Variants in INPP5A observed in about 807,000 individuals in gnomAD.
The protein encoded by INPP5A is inositol polyphosphate-5-phosphatase A.
A neutral mutation model predicts 65.2 loss-of-function variants in INPP5A; 14 were observed. That is an observed-to-expected ratio of 0.21 (90% CI 0.14 to 0.34). The LOEUF (loss-of-function observed/expected upper bound fraction) is 0.34. Ranked by LOEUF, INPP5A falls within the 10% of genes least tolerant of loss-of-function variation. The pLI, the probability that INPP5A is intolerant of heterozygous loss-of-function variation, is 1.00. For missense variants in INPP5A, 431 were observed against 545.6 expected (o/e 0.79, Z 2.09); for synonymous variants, 207 against 208.3 (o/e 0.99, Z 0.05).
intron 4 of INPP5A, among the ~76,000 whole-genome samples, chr10:132,652,715 G>A (rs535696839): frequency 3.9e-5 from 6 of 152,318 alleles, no homozygotes; most frequent in African/African-American, 1.2e-4. Context: ...TTTTAAAAGT[G>A]AAGGGACGGA....
intron 12 of INPP5A, among the ~76,000 whole-genome samples, chr10:132,774,704 AAGCTGGGCCTTGTC>A (rs1423904217): frequency 1.3e-5 from 2 of 151,850 alleles, no homozygotes. Context: ...TCAGGTTCTA[AAGCTGGGCCTTGTC>A]AGCAGGGCCA....
rs553747440 is a variant in INPP5A, at chr10:132,556,444, C to T, written c.75+18273C>T. ...TGGTGGAAGCTGCTCTCCAGTGTGC[C>T]AAGTTTCTGTACACACATGCACATC... On this transcript the variant is annotated intron_variant, in intron 1 of 15. Transcript: ENST00000368594. Among the ~76,000 whole-genome samples the T allele has an allele frequency of 2.8e-4, 42 of 152,304 alleles. No homozygotes were observed. The South Asian group carries it at 8.3e-3, about 30-fold the overall frequency.
At position 132,675,874 on chromosome 10, in the gene INPP5A, T is replaced by TA. The variant is rs2072958003; in HGVS notation, c.307-14515dup. Among the ~76,000 whole-genome samples the TA allele has an allele frequency of 1.3e-5, 2 of 152,242 alleles. No individual in the cohort carries two copies. The highest frequency in any genetic ancestry group is 4.1e-4 in the South Asian group (2 of 4,834). ...CTTGTGTTCAGTGTTGGCCATCTCT[T>TA]AAAGTGCATTTTACTTTAATTATTC... On this transcript the variant is annotated intron_variant, in intron 4 of 15. Transcript: ENST00000368594. The surrounding 1 kb of genome is among the most constrained non-coding windows in gnomAD (Gnocchi z 4.2).
intron 2 of INPP5A, among the ~76,000 whole-genome samples, chr10:132,614,959 C>T (rs1304870031): frequency 1.3e-5 from 2 of 152,220 alleles, no homozygotes; most frequent in South Asian, 4.1e-4. Context: ...ACGTCTGTGG[C>T]GTAGGCCCCG....
At chr10:132,768,736 C>T (rs1221256877) in intron 12 of INPP5A, among the ~76,000 whole-genome samples, 1 of 152,268 alleles carries the variant, frequency 6.6e-6, no homozygotes, top group East Asian at 1.9e-4. Flanking sequence ...CCATCTGTAC[C>T]TGCTGGTCTG....
At chr10:132,540,840 C>T (rs887308789) in intron 1 of INPP5A, among the ~76,000 whole-genome samples, 3 of 152,220 alleles carry the variant, frequency 2.0e-5, no homozygotes, top group African/African-American at 4.8e-5. Context: ...GTGCTGGAGC[C>T]GGTCACAGTT....
At chr10:132,556,083 C>T (rs1478885265) in intron 1 of INPP5A, among the ~76,000 whole-genome samples, 1 of 152,130 alleles carries the variant, frequency 6.6e-6, no homozygotes, top group Non-Finnish European at 1.5e-5. Context: ...GCATCTGTCC[C>T]AGCCTGTGGG....
chr10:132,650,628 C>T lies in INPP5A; in HGVS notation c.306+123C>T. ...CCTGCCTGAAGCCTCACTCACGCTG[C>T]CCTGCCTGGCACTCCCGCAGCCTGC... is the stretch of plus-strand genomic sequence containing the variant. On this transcript the variant is annotated intron_variant, in intron 4 of 15. Transcript: ENST00000368594. This position sits in a 1 kb window ranked among gnomAD's most constrained non-coding sequence, Gnocchi z 5.5. 1 of 703,054 alleles carries T rather than the reference C, an allele frequency of 1.4e-6. No individual in the cohort carries two copies. Among genetic ancestry groups the T allele is most frequent in the South Asian group, 1.6e-5 (1 of 63,718 alleles). The allele number at this position is 703,054 out of a possible 1,614,324, so 43.6% of individuals were successfully genotyped here. A position where few individuals can be genotyped will look rare whatever the true frequency, so the allele number is the denominator to read the frequency against.
intron 9 of INPP5A, among the ~76,000 whole-genome samples, chr10:132,744,748 A>G (rs1846337991): frequency 6.6e-6 from 1 of 152,184 alleles, no homozygotes; most frequent in Non-Finnish European, 1.5e-5. Flanking sequence ...ACGGCTCTCA[A>G]GGAGAGGAAG....
At chr10:132,758,914 G>A (rs965345698) in intron 11 of INPP5A, among the ~76,000 whole-genome samples, 4 of 152,162 alleles carry the variant, frequency 2.6e-5, no homozygotes, top group African/African-American at 9.7e-5. Context: ...ATTCAGACCC[G>A]CGTTCCTCCT....
intron 4 of INPP5A, among the ~76,000 whole-genome samples, chr10:132,664,697 T>C (rs2072779776): frequency 6.6e-6 from 1 of 152,212 alleles, no homozygotes; most frequent in Admixed American, 6.5e-5. Flanking sequence ...AGCACAGAAG[T>C]GTGGGTGATT....
chr10:132,714,325 A>C (rs1411314668), intron 8 of INPP5A, among the ~76,000 whole-genome samples: 1 of 152,180 alleles, frequency 6.6e-6, no homozygotes, highest in African/African-American at 2.4e-5. Context: ...GGAGTCTGGA[A>C]CAATGGGTCG....
At chr10:132,709,924 A>C (rs1845605259) in intron 7 of INPP5A, among the ~76,000 whole-genome samples, 1 of 151,846 alleles carries the variant, frequency 6.6e-6, no homozygotes, top group South Asian at 2.1e-4. Flanking sequence ...GAAATGAAGC[A>C]CTCTTCTTGC....
intron 1 of INPP5A, among the ~76,000 whole-genome samples, chr10:132,542,593 G>C (rs2070920927): frequency 2.0e-5 from 3 of 152,172 alleles, no homozygotes. Flanking sequence ...GGGGTGGGGG[G>C]GTCTCCCCTC....
chr10:132,782,015 C>G lies in INPP5A; in HGVS notation c.*8-22C>G, dbSNP rs1456543703. 6.2e-7 allele frequency: 1 copy of G among 1,610,082 alleles called. No homozygotes were observed. The highest frequency in any genetic ancestry group is 1.3e-5 in the African/African-American group (1 of 74,992). ...TTTCCTGGTGCGTTTGTTCCTTTAACAAATTACGAATTCCGTGACAGGGAA... is the reference window on the plus strand; with the variant it reads ...TTTCCTGGTGCGTTTGTTCCTTTAAGAAATTACGAATTCCGTGACAGGGAA... On this transcript the variant is annotated intron_variant, in intron 15 of 15. Coordinates refer to ENST00000368594, the MANE Select transcript of INPP5A (RefSeq NM_005539.5). This position sits in a 1 kb window ranked among gnomAD's most constrained non-coding sequence, Gnocchi z 4.4.
chr10:132,614,189 G>A (rs144420670), intron 2 of INPP5A, among the ~76,000 whole-genome samples: 153 of 152,310 alleles, frequency 1.0e-3, no homozygotes, highest in Middle Eastern at 3.4e-3. Context: ...GAGCCTGGAC[G>A]GCACGATGGC....
intron 11 of INPP5A, among the ~76,000 whole-genome samples, chr10:132,759,278 G>C (rs1846687586): frequency 6.6e-6 from 1 of 152,190 alleles, no homozygotes. Flanking sequence ...GGGGTAGTGA[G>C]GGGTCCTCAG....
intron 2 of INPP5A, among the ~76,000 whole-genome samples, chr10:132,609,080 G>T (rs1451262602): frequency 2.6e-5 from 4 of 152,226 alleles, no homozygotes; most frequent in Non-Finnish European, 5.9e-5. Flanking sequence ...GTGTGTGCAC[G>T]TGTGTGCGCA....
chr10:132,748,677 CA>C (rs1846416033), intron 9 of INPP5A, among the ~76,000 whole-genome samples: 1 of 152,380 alleles, frequency 6.6e-6, no homozygotes, highest in East Asian at 1.9e-4. Flanking sequence ...GTCCGCCAGC[CA>C]GGACCGTGCC....
Sources: allele counts gnomAD v4.1 joint callset (sites outside exome capture counted in the v4.1 genomes callset), GRCh38; gene constraint gnomAD v4.1.1; non-coding constraint Gnocchi (gnomAD v3.1); transcripts MANE v1.5; gene names NCBI Gene and HGNC (gene_info 2026-07-23, HGNC 2026-07-21).